The following RFTN2 variants were observed in gnomAD, a reference collection of about 807,000 sequenced individuals.
RFTN2 encodes raftlin-2.
A neutral mutation model predicts 52.7 loss-of-function variants in RFTN2; 34 were observed. The observed-to-expected ratio is 0.64, with a 90% CI of 0.49 to 0.86. The LOEUF (loss-of-function observed/expected upper bound fraction) is 0.86. Ranked by LOEUF, RFTN2 falls within the 40% of genes least tolerant of loss-of-function variation. The probability of loss-of-function intolerance (pLI) is 0.00; values close to 1 mark genes in which losing one functional copy is unlikely to be tolerated. For synonymous variants in RFTN2, 203 were observed against 217.7 expected, an observed-to-expected ratio of 0.93 and a Z score of 0.59; for missense variants, 536 against 600.1, an observed-to-expected ratio of 0.89 and a Z score of 1.12.
chr2:197,669,731 T>C (rs2106275744), intron 1 of RFTN2, among the ~76,000 whole-genome samples: 1 of 152,314 alleles, frequency 6.6e-6, no homozygotes, highest in Admixed American at 6.5e-5. Context: ...TGCTCACCTC[T>C]GGCTGTGTGG....
intron 6 of RFTN2, among the ~76,000 whole-genome samples, chr2:197,617,247 C>T (rs185530443): frequency 2.6e-5 from 4 of 152,116 alleles, no homozygotes; most frequent in African/African-American, 9.7e-5. Context: ...CAGTGCCAGG[C>T]GATGTTTTTT....
intron 5 of RFTN2, among the ~76,000 whole-genome samples, chr2:197,619,003 G>C (rs2088204710): frequency 6.6e-6 from 1 of 151,360 alleles, no homozygotes; most frequent in Non-Finnish European, 1.5e-5. Context: ...GGGAGGGAGG[G>C]AGGTGGGGGG....
chr2:197,640,964 T>C (rs1235999516), intron 3 of RFTN2, among the ~76,000 whole-genome samples: 1 of 152,238 alleles, frequency 6.6e-6, no homozygotes, highest in Non-Finnish European at 1.5e-5. Flanking sequence ...TTCTTTGTAT[T>C]GCAGTGTTTT....
chr2:197,632,750 GGTGGAGCTTAT>G (rs926228915), intron 4 of RFTN2, among the ~76,000 whole-genome samples: 6 of 152,280 alleles, frequency 3.9e-5, no homozygotes, highest in Non-Finnish European at 7.4e-5. Context: ...TTCTTCAGGA[GGTGGAGCTTAT>G]GTGGCTAAAT....
At chr2:197,658,603 CAG>C (rs997563943) in intron 1 of RFTN2, among the ~76,000 whole-genome samples, 4 of 151,980 alleles carry the variant, frequency 2.6e-5, no homozygotes, top group African/African-American at 9.7e-5. Context: ...ACTTTTTAAA[CAG>C]AGGAAATTAA....
At chr2:197,618,685 G>C (rs1459561991) in intron 5 of RFTN2, among the ~76,000 whole-genome samples, 1 of 151,272 alleles carries the variant, frequency 6.6e-6, no homozygotes, top group Non-Finnish European at 1.5e-5. Flanking sequence ...AGTGAGGAGC[G>C]TCTCTGCCCG....
At chr2:197,671,501 G>C (rs1438616156) in intron 1 of RFTN2, among the ~76,000 whole-genome samples, 1 of 152,202 alleles carries the variant, frequency 6.6e-6, no homozygotes, top group African/African-American at 2.4e-5. Flanking sequence ...CATCGTGCTG[G>C]ACACAGGGTG....
In RFTN2 at chr2:197,571,882, GAGGA is replaced by G; in HGVS notation, c.*122_*125del. ...GTTGTGCCAAAGTTTACATAGATTA[GAGGA>G]AAGGCTGGGTCTGGAAAAATTCAAA... On this transcript the variant is annotated 3_prime_UTR_variant, in exon 9 of 9. Transcript: ENST00000295049. The G allele has an allele frequency of 1.1e-6, 1 of 890,218 alleles. No homozygotes were observed. Among genetic ancestry groups the G allele is most frequent in the East Asian group, 2.6e-5 (1 of 38,426 alleles). 55.1% of individuals were successfully genotyped at this position (890,218 alleles called of 1,614,324 possible). A position where few individuals can be genotyped will look rare whatever the true frequency, so the allele number is the denominator to read the frequency against.
At chr2:197,636,485 T>A (rs1265959104) in intron 3 of RFTN2, among the ~76,000 whole-genome samples, 1,652 of 110,062 alleles carry the variant, frequency 0.015, 19 homozygotes, top group African/African-American at 0.058. Context: ...CTAGGTATTT[T>A]ATTCTCTTTG....
At chr2:197,638,056 A>C (rs1443322985) in intron 3 of RFTN2, among the ~76,000 whole-genome samples, 1 of 150,636 alleles carries the variant, frequency 6.6e-6, no homozygotes, top group Non-Finnish European at 1.5e-5. Context: ...GCTTTGAGTG[A>C]AATTCTTAAT....
At chr2:197,584,870 T>A (rs1035360506) in intron 8 of RFTN2, among the ~76,000 whole-genome samples, 1 of 152,164 alleles carries the variant, frequency 6.6e-6, no homozygotes, top group African/African-American at 2.4e-5. Context: ...CCAGGCTGCT[T>A]ATCTTCTCTT....
chr2:197,648,928 T>A (rs2088789164), intron 1 of RFTN2, among the ~76,000 whole-genome samples: 1 of 152,244 alleles, frequency 6.6e-6, no homozygotes, highest in African/African-American at 2.4e-5. Context: ...GTTATTTGTT[T>A]ATATGTCTTG....
At chr2:197,635,144 C>T (rs2088543862) in intron 3 of RFTN2, among the ~76,000 whole-genome samples, 1 of 152,052 alleles carries the variant, frequency 6.6e-6, no homozygotes, top group Non-Finnish European at 1.5e-5. Flanking sequence ...GATTGTTGGA[C>T]ATTTGGGTTG....
At chr2:197,657,677 G>A (rs1001683731) in intron 1 of RFTN2, among the ~76,000 whole-genome samples, 6 of 152,128 alleles carry the variant, frequency 3.9e-5, no homozygotes, top group African/African-American at 9.7e-5. Flanking sequence ...ATGGTAATGG[G>A]GGACTGAGGT....
chr2:197,629,148 A>G (rs1021247758), intron 5 of RFTN2, among the ~76,000 whole-genome samples: 1 of 152,370 alleles, frequency 6.6e-6, no homozygotes, highest in East Asian at 1.9e-4. Flanking sequence ...ACGTACACGT[A>G]TGTTTATTGT....
chr2:197,619,788 A>G (rs2088229607), intron 5 of RFTN2, among the ~76,000 whole-genome samples: 2 of 150,428 alleles, frequency 1.3e-5, no homozygotes, highest in Admixed American at 1.3e-4. Context: ...TAAAATTAAA[A>G]AAAAACATTT....
At chr2:197,600,948 A>G (rs2087870264) in intron 7 of RFTN2, among the ~76,000 whole-genome samples, 1 of 152,336 alleles carries the variant, frequency 6.6e-6, no homozygotes, top group Non-Finnish European at 1.5e-5. Context: ...TTTGGTGACA[A>G]GTATAGAGAA....
chr2:197,650,211 G>A (rs1262372685), intron 1 of RFTN2, among the ~76,000 whole-genome samples: 1 of 151,884 alleles, frequency 6.6e-6, no homozygotes, highest in African/African-American at 2.4e-5. Flanking sequence ...GCATTATTGT[G>A]AAACAAATCT....
At chr2:197,623,927 G>A (rs575141051) in intron 5 of RFTN2, among the ~76,000 whole-genome samples, 2 of 152,242 alleles carry the variant, frequency 1.3e-5, no homozygotes, top group East Asian at 3.9e-4. Context: ...GTCTCCCAAA[G>A]TGCTGGGATT....
Sources: allele counts gnomAD v4.1 joint callset (sites outside exome capture counted in the v4.1 genomes callset), GRCh38; gene constraint gnomAD v4.1.1; transcripts MANE v1.5; gene names NCBI Gene and HGNC (gene_info 2026-07-23, HGNC 2026-07-21).